PCDHA10: variants seen among roughly 807,000 people sequenced by gnomAD.
PCDHA10 encodes the protein protocadherin alpha 10.
Under a neutral mutation model 61.2 loss-of-function variants are expected in PCDHA10, and 45 were observed. That is an observed-to-expected ratio of 0.74 (90% CI 0.58 to 0.94). The LOEUF is 0.94. PCDHA10 is among the 40% of genes least tolerant of loss of function. PCDHA10 has a pLI of 0.00. For synonymous variants in PCDHA10, 602 were observed against 548.8 expected, an observed-to-expected ratio of 1.10 and a Z score of -1.35; for missense variants, 1,278 against 1,236.2, an observed-to-expected ratio of 1.03 and a Z score of -0.51.
In PCDHA10 at chr5:140,869,025, C is replaced by A. The variant is rs1424812323; in HGVS notation, c.2388+10589C>A. 7 of 1,525,592 alleles carry A rather than the reference C, an allele frequency of 4.6e-6. No homozygotes were observed. In the East Asian group the frequency reaches 1.4e-4, roughly 30 times the overall value. The allele number at this position is 1,525,592 out of a possible 1,614,324, so 94.5% of individuals were successfully genotyped here. ...CCTTTGAAACTTCTTAAGAATTCAA[C>A]GAGATTTTTAACCTGAAACTGAAGA... On this transcript the variant is annotated intron_variant, in intron 1 of 3. Transcript: ENST00000307360.
intron 1 of PCDHA10, among the ~76,000 whole-genome samples, chr5:140,890,396 A>C (rs1466548320): frequency 1.3e-5 from 2 of 152,134 alleles, no homozygotes; most frequent in African/African-American, 4.8e-5. Context: ...ATAATCTATA[A>C]ATTTTAACTT....
intron 1 of PCDHA10, among the ~76,000 whole-genome samples, chr5:140,959,609 T>A (rs2095500700): frequency 6.6e-6 from 1 of 152,184 alleles, no homozygotes; most frequent in South Asian, 2.1e-4. Flanking sequence ...ATGCTTTTCT[T>A]GCTTGTGATA....
At chr5:140,876,753 G>A in intron 1 of PCDHA10, 2 of 1,614,246 alleles carry the variant, frequency 1.2e-6, no homozygotes, top group Non-Finnish European at 1.7e-6. Flanking sequence ...TGGTGACTGC[G>A]CGGGATGGGG....
At chr5:140,968,283 A>G in intron 1 of PCDHA10, 1 of 1,613,726 alleles carries the variant, frequency 6.2e-7, no homozygotes, top group Non-Finnish European at 8.5e-7. Flanking sequence ...GAGGTGACCT[A>G]CTCCCTTCTG....
chr5:140,927,042 G>T (rs548394870), intron 1 of PCDHA10: 7 of 1,612,270 alleles, frequency 4.3e-6, no homozygotes, highest in Non-Finnish European at 4.2e-6. Context: ...CGGCCGCTAT[G>T]TCCTCGCGGA....
intron 3 of PCDHA10, among the ~76,000 whole-genome samples, chr5:140,987,890 C>T (rs1554249653): frequency 1.3e-5 from 2 of 152,020 alleles, no homozygotes; most frequent in African/African-American, 4.8e-5. Flanking sequence ...TTTATGTGCC[C>T]TAGTTTTATA....
chr5:140,912,235 C>G (rs562096532), intron 1 of PCDHA10, among the ~76,000 whole-genome samples: 2 of 151,858 alleles, frequency 1.3e-5, no homozygotes, highest in South Asian at 4.2e-4. Context: ...TCCACTGACT[C>G]AAATGTTAAT....
chr5:140,938,148 A>G (rs563866654), intron 1 of PCDHA10, among the ~76,000 whole-genome samples: 1 of 152,284 alleles, frequency 6.6e-6, no homozygotes, highest in African/African-American at 2.4e-5. Context: ...GTCTCACTAC[A>G]TTGCCCAGGC....
chr5:140,911,473 T>C (rs2075497981), intron 1 of PCDHA10, among the ~76,000 whole-genome samples: 1 of 152,180 alleles, frequency 6.6e-6, no homozygotes, highest in Non-Finnish European at 1.5e-5. Flanking sequence ...GATAAGACTC[T>C]CACTCAGGGC....
At chr5:140,968,661 T>C (rs1554230945) in intron 1 of PCDHA10, 1 of 1,614,182 alleles carries the variant, frequency 6.2e-7, no homozygotes, top group East Asian at 2.2e-5. Flanking sequence ...GACCTGGACC[T>C]CTTTAAGGTA....
intron 3 of PCDHA10, among the ~76,000 whole-genome samples, chr5:140,999,874 T>G (rs897953919): frequency 6.6e-6 from 1 of 152,122 alleles, no homozygotes; most frequent in Admixed American, 6.5e-5. Flanking sequence ...TTACTGAAAA[T>G]TAGCCCAGCT....
chr5:140,897,722 T>A (rs1236534951), intron 1 of PCDHA10, among the ~76,000 whole-genome samples: 1 of 152,162 alleles, frequency 6.6e-6, no homozygotes, highest in African/African-American at 2.4e-5. Flanking sequence ...GATGGCTGGG[T>A]CAAATAGTAT....
rs782372222 is a variant in PCDHA10 at position 140,876,213 on chromosome 5, T to C, written c.2388+17777T>C. 11 of 1,613,846 alleles carry C rather than the reference T, an allele frequency of 6.8e-6. No homozygotes were observed. The Admixed American group carries it at 8.3e-5, about 12-fold the overall frequency. On this transcript the variant is annotated intron_variant, in intron 1 of 3. Coordinates refer to ENST00000307360, the MANE Select transcript of PCDHA10 (RefSeq NM_018901.4). The stretch of plus-strand genomic sequence containing the variant: ...GTCCGGCGTTTGATAAGCCCAGCTA[T>C]AAAGTAGTGTTGTCTGAAAATGTCC...
At chr5:140,913,205 C>G (rs2076252546) in intron 1 of PCDHA10, among the ~76,000 whole-genome samples, 1 of 152,176 alleles carries the variant, frequency 6.6e-6, no homozygotes, top group South Asian at 2.1e-4. Context: ...GCAGTGAAGC[C>G]AATGGGTCCC....
chr5:140,875,531 T>G, intron 1 of PCDHA10: 1 of 1,614,100 alleles, frequency 6.2e-7, no homozygotes. Flanking sequence ...TCGCTTCTGC[T>G]CCTTGCAGCC....
chr5:140,914,427 T>C (rs2076707638), intron 1 of PCDHA10, among the ~76,000 whole-genome samples: 1 of 152,196 alleles, frequency 6.6e-6, no homozygotes, highest in African/African-American at 2.4e-5. Context: ...TAGCAAGGAA[T>C]ATCTTTTCCC....
At chr5:140,939,768 G>A (rs1241071492) in intron 1 of PCDHA10, among the ~76,000 whole-genome samples, 1 of 152,162 alleles carries the variant, frequency 6.6e-6, no homozygotes, top group Non-Finnish European at 1.5e-5. Context: ...TAGTATTTCA[G>A]GGTGTGAATG....
intron 1 of PCDHA10, among the ~76,000 whole-genome samples, chr5:140,926,141 A>G (rs2082938262): frequency 6.6e-6 from 1 of 152,038 alleles, no homozygotes; most frequent in Non-Finnish European, 1.5e-5. Flanking sequence ...AGCAGGATCC[A>G]GCGCGGAAAG....
At chr5:140,869,304 G>A (rs1554162871) in intron 1 of PCDHA10, 3 of 1,613,648 alleles carry the variant, frequency 1.9e-6, no homozygotes, top group South Asian at 1.1e-5. Context: ...TCCGGGTGGC[G>A]TCCAAAACAC....
Sources: gnomAD v4.1 joint callset for allele counts (sites outside exome capture counted in the v4.1 genomes callset) on GRCh38, gnomAD v4.1.1 for gene constraint, MANE v1.5 for transcripts, NCBI Gene and HGNC (gene_info 2026-07-23, HGNC 2026-07-21) for gene names.